The following CAMKMT variants were observed in gnomAD, a reference collection of about 807,000 sequenced individuals.
CAMKMT encodes the protein calmodulin-lysine N-methyltransferase, also known as CaM KMT.
In CAMKMT, 53 loss-of-function variants were observed where a neutral mutation model predicts 48.0. The ratio of observed to expected loss-of-function variants is 1.10; its 90% CI spans 0.89 to 1.39. The LOEUF (loss-of-function observed/expected upper bound fraction) is 1.39. Among genes scored for constraint, CAMKMT ranks in the 40% most tolerant of loss-of-function variants. The probability of loss-of-function intolerance (pLI) is 0.00; values close to 1 mark genes in which losing one functional copy is unlikely to be tolerated. For synonymous variants in CAMKMT, 165 were observed against 152.3 expected (o/e 1.08, Z -0.61); for missense variants, 428 against 402.7 (o/e 1.06, Z -0.54).
chr2:44,688,471 C>T (rs1388360254), intron 3 of CAMKMT, among the ~76,000 whole-genome samples: 2 of 151,582 alleles, frequency 1.3e-5, no homozygotes, highest in Non-Finnish European at 2.9e-5. Context: ...AGCTCTCATA[C>T]ATATATATGT....
intron 8 of CAMKMT, among the ~76,000 whole-genome samples, chr2:44,746,751 C>T (rs1679933749): frequency 6.6e-6 from 1 of 152,084 alleles, no homozygotes; most frequent in African/African-American, 2.4e-5. Flanking sequence ...CTATTAAGTT[C>T]CTCAGTTGAC....
intron 4 of CAMKMT, among the ~76,000 whole-genome samples, 199 bp from the exon 5 acceptor site, chr2:44,706,088 T>C (rs867236401): frequency 1.7e-4 from 26 of 152,190 alleles, no homozygotes; most frequent in African/African-American, 6.0e-4. Flanking sequence ...CCCCCACTGA[T>C]TTGCCTGCTT....
intron 3 of CAMKMT, among the ~76,000 whole-genome samples, chr2:44,525,533 C>T (rs1037578653): frequency 6.6e-6 from 1 of 152,178 alleles, no homozygotes; most frequent in Non-Finnish European, 1.5e-5. Flanking sequence ...GGATTACAGG[C>T]GTGAGCCACC....
intron 3 of CAMKMT, among the ~76,000 whole-genome samples, chr2:44,488,575 A>T (rs1436929299): frequency 6.6e-6 from 1 of 151,772 alleles, no homozygotes; most frequent in Non-Finnish European, 1.5e-5. Context: ...GGTGGTGTGC[A>T]CCTGTGATCC....
At chr2:44,766,783 C>T (rs1680860847) in intron 10 of CAMKMT, among the ~76,000 whole-genome samples, 1 of 152,144 alleles carries the variant, frequency 6.6e-6, no homozygotes, top group South Asian at 2.1e-4. Flanking sequence ...ACTCTTTTCT[C>T]TGAAACAAAC....
At chr2:44,417,387 T>C (rs1036974906) in intron 3 of CAMKMT, among the ~76,000 whole-genome samples, 2 of 152,056 alleles carry the variant, frequency 1.3e-5, no homozygotes, top group Non-Finnish European at 2.9e-5. Context: ...AGAGGAAGAC[T>C]CTGTCTCAAA....
intron 3 of CAMKMT, among the ~76,000 whole-genome samples, chr2:44,683,684 G>A (rs1045174584): frequency 1.3e-5 from 2 of 151,766 alleles, no homozygotes; most frequent in Non-Finnish European, 1.5e-5. Context: ...TTAGGCGGGC[G>A]TGGTGGCGGA....
chr2:44,727,410 ACT>A (rs1678849358), intron 7 of CAMKMT, among the ~76,000 whole-genome samples: 1 of 151,864 alleles, frequency 6.6e-6, no homozygotes, highest in Admixed American at 6.6e-5. Flanking sequence ...TCCTGATTTC[ACT>A]CTCAGCCTGG....
At chr2:44,690,250 C>T (rs1365053867) in intron 3 of CAMKMT, among the ~76,000 whole-genome samples, 1 of 152,164 alleles carries the variant, frequency 6.6e-6, no homozygotes, top group Non-Finnish European at 1.5e-5. Context: ...TGGAAGTGTA[C>T]ACATATAATG....
rs1245126722 is a variant in CAMKMT, at chr2:44,704,276, T to C, written c.377-7T>C. 1 of 1,608,416 alleles carries C rather than the reference T, an allele frequency of 6.2e-7. No individual in the cohort carries two copies. Among genetic ancestry groups the C allele is most frequent in the Non-Finnish European group, 8.5e-7 (1 of 1,177,486 alleles). On this transcript the variant is annotated splice_region_variant and splice_polypyrimidine_tract_variant and intron_variant, in intron 3 of 10. Coordinates refer to ENST00000378494, the MANE Select transcript of CAMKMT (RefSeq NM_024766.5). ...AATCAAAAGGTTTATCCTCTTGTGT[T>C]TTCTAGGCATCTGGCCATCTGAAGA... is the stretch of plus-strand genomic sequence containing the variant.
intron 3 of CAMKMT, among the ~76,000 whole-genome samples, chr2:44,675,390 A>G (rs1675626000): frequency 6.6e-6 from 1 of 152,160 alleles, no homozygotes; most frequent in Non-Finnish European, 1.5e-5. Context: ...TGGTAGAACT[A>G]TTAAAGGGGC....
At chr2:44,409,045 T>G (rs1472373091) in intron 3 of CAMKMT, among the ~76,000 whole-genome samples, 1 of 149,704 alleles carries the variant, frequency 6.7e-6, no homozygotes, top group East Asian at 2.1e-4. Flanking sequence ...CCCAGCCTGC[T>G]TCTATATTTT....
At chr2:44,397,357 C>T (rs1198572400) in intron 3 of CAMKMT, among the ~76,000 whole-genome samples, 3 of 152,182 alleles carry the variant, frequency 2.0e-5, no homozygotes, top group African/African-American at 7.2e-5. Flanking sequence ...TAATGATCAG[C>T]AGCCCTGAGA....
chr2:44,764,958 C>T (rs533240874), intron 9 of CAMKMT, among the ~76,000 whole-genome samples: 3 of 152,224 alleles, frequency 2.0e-5, no homozygotes, highest in African/African-American at 4.8e-5. Context: ...CACGGTGGCT[C>T]ATGCCTGTAA....
At chr2:44,713,114 CT>C (rs1407169557) in intron 6 of CAMKMT, among the ~76,000 whole-genome samples, 5 of 152,004 alleles carry the variant, frequency 3.3e-5, no homozygotes, top group Non-Finnish European at 7.4e-5. Context: ...CATATGTTTG[CT>C]TCAGCCTGAC....
intron 3 of CAMKMT, among the ~76,000 whole-genome samples, chr2:44,654,422 T>C (rs1037839350): frequency 1.3e-5 from 2 of 152,210 alleles, no homozygotes; most frequent in Non-Finnish European, 2.9e-5. Flanking sequence ...CTCTTAATCC[T>C]AGAAGCCAAA....
intron 3 of CAMKMT, among the ~76,000 whole-genome samples, chr2:44,498,310 A>G (rs1168032777): frequency 1.3e-5 from 2 of 152,212 alleles, no homozygotes; most frequent in African/African-American, 4.8e-5. Context: ...GTGATGACCC[A>G]TGTCAAATAA....
chr2:44,517,842 A>G (rs753833597), intron 3 of CAMKMT, among the ~76,000 whole-genome samples: 4 of 152,230 alleles, frequency 2.6e-5, no homozygotes, highest in Non-Finnish European at 5.9e-5. Context: ...GACATGAATA[A>G]TAAGGGGTCT....
At chr2:44,506,451 A>T (rs1007808431) in intron 3 of CAMKMT, among the ~76,000 whole-genome samples, 4 of 152,050 alleles carry the variant, frequency 2.6e-5, no homozygotes, top group African/African-American at 9.7e-5. Flanking sequence ...TATTTTTCAT[A>T]TTTCTTTCTG....
Sources: allele counts gnomAD v4.1 joint callset (sites outside exome capture counted in the v4.1 genomes callset), GRCh38; gene constraint gnomAD v4.1.1; transcripts MANE v1.5; gene names NCBI Gene and HGNC (gene_info 2026-07-23, HGNC 2026-07-21).